NPAS3: variants seen among roughly 807,000 people sequenced by gnomAD.
The protein encoded by NPAS3 is neuronal PAS domain-containing protein 3.
Under a neutral mutation model 73.1 loss-of-function variants are expected in NPAS3, and 14 were observed. That is an observed-to-expected ratio of 0.19 (90% CI 0.13 to 0.30). The LOEUF (loss-of-function observed/expected upper bound fraction) is 0.30, where lower values mean the gene tolerates loss of function less well. NPAS3 is among the 10% of genes least tolerant of loss of function. The pLI is 1.00. For synonymous variants in NPAS3, 620 were observed against 541.5 expected, an observed-to-expected ratio of 1.14 and a Z score of -2.01; for missense variants, 1,096 against 1,250.0, an observed-to-expected ratio of 0.88 and a Z score of 1.86.
intron 4 of NPAS3, among the ~76,000 whole-genome samples, chr14:33,509,125 G>A (rs182401546): frequency 6.6e-6 from 1 of 151,502 alleles, no homozygotes; most frequent in African/African-American, 2.4e-5. Context: ...TTAAGGGGGT[G>A]GTATTATTAG....
intron 3 of NPAS3, among the ~76,000 whole-genome samples, chr14:33,226,726 C>T (rs1355395132): frequency 2.0e-5 from 3 of 152,136 alleles, no homozygotes; most frequent in African/African-American, 7.2e-5. Context: ...GTACTAAGTG[C>T]TTGAAAGACA....
At chr14:33,544,877 G>A (rs565643246) in intron 4 of NPAS3, among the ~76,000 whole-genome samples, 5 of 133,644 alleles carry the variant, frequency 3.7e-5, no homozygotes, top group Non-Finnish European at 6.2e-5. Flanking sequence ...ATATATGTAT[G>A]TATGTATGTA....
chr14:33,129,763 A>G (rs182280637), intron 2 of NPAS3, among the ~76,000 whole-genome samples: 69 of 152,258 alleles, frequency 4.5e-4, no homozygotes, highest in East Asian at 3.9e-4. Flanking sequence ...GAGGTAGAAG[A>G]TTTTATCTTT....
In NPAS3 at chr14:33,433,245, A is replaced by G. The variant is rs553845708; in HGVS notation, c.468+65977A>G. Among the ~76,000 whole-genome samples, 3 of 152,312 alleles carry G rather than the reference A, an allele frequency of 2.0e-5. No homozygotes were observed. The South Asian group carries it at 6.2e-4, about 32-fold the overall frequency. ...AGTAGCTTGTCAGTAGGCTCATATT[A>G]TTATCAATTATATTTTTAAAGCTGC... On this transcript the variant is annotated intron_variant, in intron 4 of 11. Transcript: ENST00000356141.
intron 3 of NPAS3, among the ~76,000 whole-genome samples, chr14:33,320,447 T>A (rs572621540): frequency 2.1e-4 from 32 of 152,178 alleles, no homozygotes; most frequent in Admixed American, 3.9e-4. Context: ...ATAAAAAAAA[T>A]TTTTAAAAAA....
intron 2 of NPAS3, among the ~76,000 whole-genome samples, chr14:33,170,305 A>C (rs2045342307): frequency 6.6e-6 from 1 of 152,194 alleles, no homozygotes; most frequent in Non-Finnish European, 1.5e-5. Flanking sequence ...GTCTTAATTA[A>C]AAATACTTTA....
chr14:33,103,450 A>G (rs1233232940), intron 2 of NPAS3, among the ~76,000 whole-genome samples: 1 of 152,168 alleles, frequency 6.6e-6, no homozygotes, highest in Non-Finnish European at 1.5e-5. Flanking sequence ...AGCTGAATTT[A>G]TTCTACATAT....
At chr14:33,568,990 TG>T (rs1325060577) in intron 5 of NPAS3, among the ~76,000 whole-genome samples, 4 of 152,266 alleles carry the variant, frequency 2.6e-5, no homozygotes, top group African/African-American at 9.6e-5. Context: ...GATGCATTTT[TG>T]TGTGAATATG....
At chr14:33,198,989 C>T (rs2046498042) in intron 2 of NPAS3, among the ~76,000 whole-genome samples, 1 of 152,186 alleles carries the variant, frequency 6.6e-6, no homozygotes, top group Non-Finnish European at 1.5e-5. Context: ...ATGCTAAGCC[C>T]CACACTGTCC....
chr14:32,980,026 T>A (rs757686403), intron 1 of NPAS3, among the ~76,000 whole-genome samples: 1 of 152,234 alleles, frequency 6.6e-6, no homozygotes, highest in African/African-American at 2.4e-5. Context: ...ATAGACTTCC[T>A]ATGAGTGTTA....
At chr14:33,252,071 G>C (rs1209220159) in intron 3 of NPAS3, among the ~76,000 whole-genome samples, 1 of 151,186 alleles carries the variant, frequency 6.6e-6, no homozygotes, top group African/African-American at 2.4e-5. Flanking sequence ...GTGTGTGTGT[G>C]TGTGTGTGTG....
At chr14:33,324,058 G>T (rs1204375386) in intron 3 of NPAS3, among the ~76,000 whole-genome samples, 2 of 152,190 alleles carry the variant, frequency 1.3e-5, no homozygotes, top group Non-Finnish European at 2.9e-5. Context: ...CTTTTACAAC[G>T]TAGCATTAAG....
At chr14:32,939,510 C>T (rs1461845280) in intron 1 of NPAS3, 144 bp downstream of exon 1, 6 of 184,422 alleles carry the variant, frequency 3.3e-5, no homozygotes, top group African/African-American at 4.9e-5. Context: ...AGCGCTCGCC[C>T]GGGGCCCCGC....
intron 1 of NPAS3, among the ~76,000 whole-genome samples, chr14:33,049,207 T>C (rs572556876): frequency 5.4e-4 from 82 of 152,376 alleles, no homozygotes; most frequent in Non-Finnish European, 1.1e-3. Flanking sequence ...ATAGTTATAA[T>C]GGATACAACC....
chr14:33,222,926 C>T lies in NPAS3; in HGVS notation c.385+7500C>T, dbSNP rs142087304. Among the ~76,000 whole-genome samples the T allele has an allele frequency of 3.7e-3, 563 of 152,196 alleles. 3 individuals carry two copies. The highest frequency in any genetic ancestry group is 0.012 in the African/African-American group (505 of 41,538). On this transcript the variant is annotated intron_variant, in intron 3 of 11. Coordinates refer to ENST00000356141, the Ensembl canonical transcript of NPAS3. ...GAAATTATGCAGGACATGGAGTAGGCGCTAGAAGCAGGTGTGGCTCCCTGG... is the reference window on the plus strand; with the variant it reads ...GAAATTATGCAGGACATGGAGTAGGTGCTAGAAGCAGGTGTGGCTCCCTGG...
chr14:33,181,332 A>G (rs1053772189), intron 2 of NPAS3, among the ~76,000 whole-genome samples: 1 of 152,238 alleles, frequency 6.6e-6, no homozygotes, highest in Admixed American at 6.5e-5. Flanking sequence ...GAAATCTTCC[A>G]TAATAAGAAT....
chr14:33,263,201 G>A (rs1156289094), intron 3 of NPAS3, among the ~76,000 whole-genome samples: 1 of 152,050 alleles, frequency 6.6e-6, no homozygotes, highest in East Asian at 1.9e-4. Context: ...GCCCATGCCT[G>A]TGTCCTGAAT....
At chr14:33,327,270 G>A (rs1024784696) in intron 3 of NPAS3, among the ~76,000 whole-genome samples, 1 of 152,140 alleles carries the variant, frequency 6.6e-6, no homozygotes, top group African/African-American at 2.4e-5. Flanking sequence ...TTGAGTGCAT[G>A]CTATGTACGA....
chr14:33,723,474 T>A (rs72664547), intron 6 of NPAS3, among the ~76,000 whole-genome samples: 1 of 151,960 alleles, frequency 6.6e-6, no homozygotes, highest in Admixed American at 6.6e-5. Context: ...GCAAGGTTAA[T>A]TGGGAGTAAA....
Sources: allele counts gnomAD v4.1 joint callset (sites outside exome capture counted in the v4.1 genomes callset), GRCh38; gene constraint gnomAD v4.1.1; transcripts MANE v1.5; gene names NCBI Gene and HGNC (gene_info 2026-07-23, HGNC 2026-07-21).